Variants in PCGF5 observed in about 807,000 individuals in gnomAD.
PCGF5 encodes the protein polycomb group ring finger 5.
Under a neutral mutation model 44.3 loss-of-function variants are expected in PCGF5, and 9 were observed. That is an observed-to-expected ratio of 0.20 (90% CI 0.12 to 0.35). PCGF5 has a LOEUF of 0.35. Ranked by LOEUF, PCGF5 falls within the 10% of genes least tolerant of loss-of-function variation. PCGF5 has a pLI of 1.00. For synonymous variants in PCGF5, 95 were observed against 102.5 expected (o/e 0.93, Z 0.44); for missense variants, 146 against 305.3 (o/e 0.48, Z 3.89).
Position 91,248,564 on chromosome 10 carries a change from A to AGT in PCGF5, c.265+6_265+7dup. Reference sequence around the variant, plus strand: ...CTGGTCCCTGGACTACGAGAACGTAAGTGGCTCTTTAGGTTCTTGCAGACT... The same window carrying AGT: ...CTGGTCCCTGGACTACGAGAACGTAAGTGTGGCTCTTTAGGTTCTTGCAGACT... On this transcript the variant is annotated splice_donor_region_variant and intron_variant, in intron 4 of 9. Coordinates refer to ENST00000336126, the MANE Select transcript of PCGF5 (RefSeq NM_032373.5). 6.2e-7 allele frequency: 1 copy of AGT among 1,612,744 alleles called. No homozygotes were observed. Among genetic ancestry groups the AGT allele is most frequent in the Non-Finnish European group, 8.5e-7 (1 of 1,179,034 alleles).
chr10:91,281,007 G>A lies in PCGF5; in HGVS notation c.*2691G>A, dbSNP rs368134239. ...AAAGATTTTGTTATCTCTTTTATCTGCCTTAGAAATTATAAGTATAAAAGG... is the reference window on the plus strand; with the variant it reads ...AAAGATTTTGTTATCTCTTTTATCTACCTTAGAAATTATAAGTATAAAAGG... On this transcript the variant is annotated 3_prime_UTR_variant, in exon 10 of 10. Transcript: ENST00000336126. 43 of 152,458 alleles carry A rather than the reference G, an allele frequency of 2.8e-4. No individual in the cohort carries two copies. Among genetic ancestry groups the A allele is most frequent in the African/African-American group, 1.0e-3 (42 of 41,510 alleles). The allele number at this position is 152,458 out of a possible 1,614,324, so 9.4% of individuals were successfully genotyped here.
intron 2 of PCGF5, among the ~76,000 whole-genome samples, chr10:91,231,640 G>C (rs1485395199): frequency 6.6e-6 from 1 of 152,252 alleles, no homozygotes; most frequent in Non-Finnish European, 1.5e-5. Flanking sequence ...ACGTGGCGCA[G>C]TTCTTGTAGA....
chr10:91,275,893 A>G (rs879835176), intron 9 of PCGF5, among the ~76,000 whole-genome samples: 3 of 152,232 alleles, frequency 2.0e-5, no homozygotes, highest in Non-Finnish European at 2.9e-5. Context: ...AGATTAAGTT[A>G]TAATAGCAAA....
At chr10:91,229,329 A>G (rs1421350798) in intron 2 of PCGF5, among the ~76,000 whole-genome samples, 1 of 152,228 alleles carries the variant, frequency 6.6e-6, no homozygotes, top group African/African-American at 2.4e-5. Context: ...CAGGTGCTAT[A>G]CATGACAAAT....
chr10:91,269,604 G>A (rs956501685), intron 8 of PCGF5, among the ~76,000 whole-genome samples: 1 of 151,964 alleles, frequency 6.6e-6, no homozygotes, highest in Middle Eastern at 3.2e-3. Flanking sequence ...ATATCCATTG[G>A]CTAGATTCTT....
chr10:91,160,607 A>G (rs1183388701), upstream of PCGF5, among the ~76,000 whole-genome samples: 1 of 152,092 alleles, frequency 6.6e-6, no homozygotes, highest in Non-Finnish European at 1.5e-5. Context: ...CCCAGGGAGG[A>G]GTAGGACAAG....
chr10:91,251,316 C>A lies in PCGF5; in HGVS notation c.350C>A (p.Pro117Gln). Residue 117 changes from proline to glutamine, a missense_variant, in exon 6 of 10, where the codon CCG becomes CAG. Around this residue, in one of 3 missense-constraint regions of PCGF5, gnomAD observed 123 missense variants for 268.6 expected, o/e 0.46. Transcript: ENST00000336126. ...GQDDTSKADK[P>Q]KVDEEGDENE... Reference sequence around the variant, plus strand: ...GATGATACTTCAAAAGCTGACAAACCGAAAGTAGATGAAGAAGGTGATGAA... The same window carrying A: ...GATGATACTTCAAAAGCTGACAAACAGAAAGTAGATGAAGAAGGTGATGAA... 1 of 1,608,736 alleles carries A rather than the reference C, an allele frequency of 6.2e-7. No individual in the cohort carries two copies. The highest frequency in any genetic ancestry group is 8.5e-7 in the Non-Finnish European group (1 of 1,176,710).
intron 6 of PCGF5, among the ~76,000 whole-genome samples, chr10:91,260,904 A>G (rs1316636830): frequency 6.6e-6 from 1 of 152,036 alleles, no homozygotes; most frequent in Non-Finnish European, 1.5e-5. Context: ...GCACATGTAT[A>G]CATATGTAAC....
chr10:91,260,378 C>T (rs1407424978), intron 6 of PCGF5, among the ~76,000 whole-genome samples: 1 of 152,142 alleles, frequency 6.6e-6, no homozygotes, highest in Non-Finnish European at 1.5e-5. Context: ...TAAACTAGTT[C>T]AACCATTGTG....
At chr10:91,188,943 A>T (rs899463941) in intron 1 of PCGF5, among the ~76,000 whole-genome samples, 2 of 152,200 alleles carry the variant, frequency 1.3e-5, no homozygotes, top group East Asian at 3.8e-4. Flanking sequence ...GTGGTTTGGG[A>T]GAAAGGGAGA....
intron 7 of PCGF5, among the ~76,000 whole-genome samples, chr10:91,263,098 G>A (rs1299794644): frequency 1.3e-5 from 2 of 152,126 alleles, no homozygotes; most frequent in African/African-American, 2.4e-5. Flanking sequence ...TGTGACTTTT[G>A]GGAATCTTTT....
At chr10:91,252,461 C>T (rs1399734249) in intron 6 of PCGF5, among the ~76,000 whole-genome samples, 1 of 151,986 alleles carries the variant, frequency 6.6e-6, no homozygotes, top group East Asian at 1.9e-4. Context: ...GAACAGTAGA[C>T]AGTGAAGATG....
At chr10:91,275,440 A>ATT (rs1411679637) in intron 9 of PCGF5, among the ~76,000 whole-genome samples, 1 of 135,850 alleles carries the variant, frequency 7.4e-6, no homozygotes, top group African/African-American at 3.0e-5. Flanking sequence ...ATAAAACTAC[A>ATT]TTTTATTTTT....
At position 91,283,839 on chromosome 10, in the gene PCGF5, TATAAA is replaced by T. The variant is rs1464255451; in HGVS notation, c.*5527_*5531del. The T allele has an allele frequency of 6.6e-6, 1 of 152,632 alleles. No individual in the cohort carries two copies. The highest frequency in any genetic ancestry group is 1.5e-5 in the Non-Finnish European group (1 of 68,038). 9.5% of individuals were successfully genotyped at this position (152,632 alleles called of 1,614,324 possible). A position where few individuals can be genotyped will look rare whatever the true frequency, so the allele number is the denominator to read the frequency against. Reference sequence around the variant, plus strand: ...TTATGTTGCTAATTTTCCTTTGAAATATAAAATATTTTAAGCTTTTTGTCAAAAGT... The same window carrying T: ...TTATGTTGCTAATTTTCCTTTGAAATATATTTTAAGCTTTTTGTCAAAAGT... On this transcript the variant is annotated 3_prime_UTR_variant, in exon 10 of 10. Coordinates refer to ENST00000336126, the MANE Select transcript of PCGF5 (RefSeq NM_032373.5).
At chr10:91,248,408 A>T in intron 3 of PCGF5, 97 bp from the exon 4 acceptor site, 1 of 1,122,378 alleles carries the variant, frequency 8.9e-7, no homozygotes, top group Non-Finnish European at 1.3e-6. Flanking sequence ...TTGTGTATGT[A>T]TTTTGTAACA....
upstream of PCGF5, among the ~76,000 whole-genome samples, chr10:91,161,808 AG>A (rs1843389494): frequency 6.6e-6 from 1 of 152,168 alleles, no homozygotes; most frequent in Non-Finnish European, 1.5e-5. Flanking sequence ...GTCTCACCAG[AG>A]CTGCAGACAC....
intron 2 of PCGF5, among the ~76,000 whole-genome samples, chr10:91,223,890 G>A (rs191526616): frequency 1.3e-5 from 2 of 152,192 alleles, no homozygotes; most frequent in East Asian, 3.9e-4. Context: ...CTAATGAGTG[G>A]TGGACCTATA....
chr10:91,234,113 A>T (rs375880797), intron 2 of PCGF5, among the ~76,000 whole-genome samples: 1 of 152,190 alleles, frequency 6.6e-6, no homozygotes, highest in Non-Finnish European at 1.5e-5. Context: ...AGCAACAACA[A>T]ATGACCTTGT....
upstream of PCGF5, among the ~76,000 whole-genome samples, chr10:91,159,531 G>A (rs1354439370): frequency 6.6e-6 from 1 of 152,168 alleles, no homozygotes; most frequent in Non-Finnish European, 1.5e-5. Context: ...GCACTCCAGA[G>A]GAGGAAGAAA....
Sources: gnomAD v4.1 joint callset for allele counts (sites outside exome capture counted in the v4.1 genomes callset) on GRCh38, gnomAD v4.1.1 for gene constraint, gnomAD v4.1.1 regional missense constraint, MANE v1.5 for transcripts, NCBI Gene and HGNC (gene_info 2026-07-23, HGNC 2026-07-21) for gene names.